SEL1L: variants seen among roughly 807,000 people sequenced by gnomAD.
The protein encoded by SEL1L is protein sel-1 homolog 1.
In SEL1L, 52 loss-of-function variants were observed where a neutral mutation model predicts 109.8. The observed-to-expected ratio is 0.47, with a 90% CI of 0.38 to 0.60. The LOEUF (loss-of-function observed/expected upper bound fraction) is 0.60. SEL1L is among the 20% of genes least tolerant of loss of function. The pLI, the probability that SEL1L is intolerant of heterozygous loss-of-function variation, is 0.00. For synonymous variants in SEL1L, 373 were observed against 339.6 expected, an observed-to-expected ratio of 1.10 and a Z score of -1.08; for missense variants, 749 against 962.2, an observed-to-expected ratio of 0.78 and a Z score of 2.93.
Position 81,477,024 on chromosome 14 carries a change from CG to C in SEL1L, c.2332del (p.Arg778GlyfsTer25). The C allele has an allele frequency of 6.2e-7, 1 of 1,614,154 alleles. No individual in the cohort carries two copies. ...DMPAPRPPGP[R>X]PAPPQQEGPP... Reference sequence around the variant, plus strand: ...CCCCTCCTGCTGGGGTGGAGCTGGCCGTGGCCCTGGAGGCCTGGGTGCAGGC... The same window carrying C: ...CCCCTCCTGCTGGGGTGGAGCTGGCCTGGCCCTGGAGGCCTGGGTGCAGGC... On this transcript the variant is annotated frameshift_variant, in exon 21 of 21. Transcript: ENST00000336735. LOFTEE classifies it high-confidence loss of function.
chr14:81,488,778 C>T (rs748392508), intron 14 of SEL1L: 130 of 192,914 alleles, frequency 6.7e-4, no homozygotes, highest in Non-Finnish European at 1.1e-3. Flanking sequence ...AGCAGAAGTT[C>T]GATTGCTAAG....
At chr14:81,518,367 T>A (rs1272750900) in intron 3 of SEL1L, among the ~76,000 whole-genome samples, 7 of 151,502 alleles carry the variant, frequency 4.6e-5, no homozygotes, top group Admixed American at 3.9e-4. Flanking sequence ...AAATGTGTTT[T>A]AAAAAAGGTA....
intron 19 of SEL1L, among the ~76,000 whole-genome samples, chr14:81,480,435 C>A (rs938663690): frequency 6.6e-6 from 1 of 152,162 alleles, no homozygotes; most frequent in African/African-American, 2.4e-5. Flanking sequence ...GTAATCCGCC[C>A]GCCTCAGCCT....
intron 3 of SEL1L, among the ~76,000 whole-genome samples, chr14:81,524,368 C>A (rs913006118): frequency 6.6e-6 from 1 of 152,048 alleles, no homozygotes; most frequent in African/African-American, 2.4e-5. Context: ...AAGTACACAC[C>A]ACCACCTACC....
At position 81,492,539 on chromosome 14, in the gene SEL1L, C is replaced by A; in HGVS notation, c.1195G>T (p.Asp399Tyr). The change falls in exon 12 of 21, where the codon GAC (aspartate) becomes TAC (tyrosine). Residue 399 changes from aspartate (D) to tyrosine (Y), a missense_variant. By Grantham distance (160) the Asp-to-Tyr change is radical. Transcript: ENST00000336735. ...GVEQNHQRAF[D>Y]YFNLAANAGN... ...GCATTTGCTGCTAAATTGAAGTAGT[C>A]AAATGCTCTCTATGAGAAAAGAATT... 1 of 1,607,906 alleles carries A rather than the reference C, an allele frequency of 6.2e-7. No homozygotes were observed. Among genetic ancestry groups the A allele is most frequent in the South Asian group, 1.1e-5 (1 of 90,236 alleles).
intron 3 of SEL1L, among the ~76,000 whole-genome samples, chr14:81,510,486 C>G (rs994569886): frequency 1.8e-5 from 2 of 109,994 alleles, no homozygotes; most frequent in African/African-American, 7.6e-5. Flanking sequence ...CTCTCTCTCT[C>G]TCTCTCTCTC....
chr14:81,485,038 A>G (rs1166365435), intron 18 of SEL1L, among the ~76,000 whole-genome samples: 3 of 152,238 alleles, frequency 2.0e-5, no homozygotes, highest in African/African-American at 7.2e-5. Flanking sequence ...AATATTCAAA[A>G]GAAAAAGAAA....
At chr14:81,503,008 T>G in intron 5 of SEL1L, 125 bp from the exon 6 acceptor site, 1 of 763,006 alleles carries the variant, frequency 1.3e-6, no homozygotes, top group South Asian at 2.1e-5. Flanking sequence ...GATAATCTTT[T>G]TGAGATGGAG....
intron 3 of SEL1L, among the ~76,000 whole-genome samples, chr14:81,522,633 T>C (rs1333075549): frequency 6.6e-6 from 1 of 152,200 alleles, no homozygotes; most frequent in Non-Finnish European, 1.5e-5. Context: ...TAGTGATGCA[T>C]TTCTCAGAAT....
At position 81,509,186 on chromosome 14, in the gene SEL1L, C is replaced by T. The variant is rs967036303; in HGVS notation, c.341-2945G>A. ...TGATTGGAACTCTCTAGTTTCAAAT[C>T]GATTATCTCAAACAGAAACTCCTCA... On this transcript the variant is annotated intron_variant, in intron 3 of 20. Transcript: ENST00000336735. Among the ~76,000 whole-genome samples the T allele has an allele frequency of 3.3e-5, 5 of 152,136 alleles. No individual in the cohort carries two copies. In the East Asian group the frequency reaches 7.7e-4, roughly 23 times the overall value.
chr14:81,499,484 C>A lies in SEL1L; in HGVS notation c.866G>T (p.Gly289Val), dbSNP rs758116799. Residue 289 changes from glycine (G) to valine (V), a missense_variant, in exon 8 of 21, where the codon GGC becomes GTC. By Grantham distance (109) the Gly-to-Val change is moderately radical (BLOSUM62 -3). Transcript: ENST00000336735. ...LVYYTFGALG[G>V]NLIAHMVLGY... ...CAAAACCATGTGGGCTATTAGATTG[C>A]CCCCAAGAGCTCCAAATGTATAATA... 1 of 1,612,032 alleles carries A rather than the reference C, an allele frequency of 6.2e-7. No individual in the cohort carries two copies. Among genetic ancestry groups the A allele is most frequent in the African/African-American group, 1.3e-5 (1 of 74,782 alleles).
chr14:81,518,182 T>G (rs1884774837), intron 3 of SEL1L, among the ~76,000 whole-genome samples: 2 of 151,392 alleles, frequency 1.3e-5, no homozygotes, highest in Non-Finnish European at 1.5e-5. Context: ...CATGAGCCAC[T>G]GCGCCCGGCT....
rs114590592 is a variant in SEL1L, at chr14:81,509,875, C to T, written c.341-3634G>A. 5.1e-3 allele frequency among the ~76,000 whole-genome samples: 776 copies of T among 152,274 alleles called. 8 individuals carry two copies. The highest frequency in any genetic ancestry group is 0.017 in the African/African-American group (724 of 41,566). The stretch of plus-strand genomic sequence containing the variant: ...CAAAGAGATTATGTACAAGAGAATA[C>T]TTGTACAGTATCCTAATTTTAAAAA... On this transcript the variant is annotated intron_variant, in intron 3 of 20. Coordinates refer to ENST00000336735, the MANE Select transcript of SEL1L (RefSeq NM_005065.6).
At chr14:81,511,005 G>A (rs1884455888) in intron 3 of SEL1L, among the ~76,000 whole-genome samples, 1 of 152,178 alleles carries the variant, frequency 6.6e-6, no homozygotes, top group Non-Finnish European at 1.5e-5. Context: ...AGTGATATAG[G>A]CCAAATGATA....
intron 3 of SEL1L, 40 bp from the exon 4 acceptor site, chr14:81,506,281 A>G: frequency 1.4e-6 from 2 of 1,480,224 alleles, no homozygotes; most frequent in Non-Finnish European, 1.8e-6. Flanking sequence ...ATGAAACAAC[A>G]CCTCTGGTAT....
At position 81,474,595 on chromosome 14, in the gene SEL1L, G is replaced by A. The variant is rs1903102928; in HGVS notation, c.*2377C>T. On this transcript the variant is annotated 3_prime_UTR_variant, in exon 21 of 21. Coordinates refer to ENST00000336735, the MANE Select transcript of SEL1L (RefSeq NM_005065.6). The stretch of plus-strand genomic sequence containing the variant: ...AGGTAAGTATTGAGCATTATTTTAG[G>A]AGAAAAACCAAACCCAACTCCTATT... 6.6e-6 allele frequency: 1 copy of A among 152,118 alleles called. No homozygotes were observed. 9.4% of individuals were successfully genotyped at this position (152,118 alleles called of 1,614,324 possible). A position where few individuals can be genotyped will look rare whatever the true frequency, so the allele number is the denominator to read the frequency against.
intron 3 of SEL1L, among the ~76,000 whole-genome samples, chr14:81,507,465 G>A (rs141618584): frequency 3.7e-4 from 56 of 152,088 alleles, no homozygotes; most frequent in African/African-American, 1.1e-3. Context: ...ACCCAGGTGC[G>A]TTAGGGGTAC....
chr14:81,503,337 CTTTT>C lies in SEL1L; in HGVS notation c.615-458_615-455del, dbSNP rs548906591. ...TTACTTATACATGTAAAAAACATCCCTTTTTTTAATTTTTTTTTGAGACAAGGTC... is the reference window on the plus strand; with the variant it reads ...TTACTTATACATGTAAAAAACATCCCTTTAATTTTTTTTTGAGACAAGGTC... On this transcript the variant is annotated intron_variant, in intron 5 of 20. Transcript: ENST00000336735. Among the ~76,000 whole-genome samples, 9 of 152,144 alleles carry C rather than the reference CTTTT, an allele frequency of 5.9e-5. No individual in the cohort carries two copies. In the East Asian group the frequency reaches 1.4e-3, roughly 23 times the overall value.
intron 4 of SEL1L, 130 bp downstream of exon 4, chr14:81,505,944 G>C (rs186226044): frequency 2.4e-6 from 2 of 826,922 alleles, no homozygotes; most frequent in Non-Finnish European, 3.7e-6. Context: ...CACTCTTTAA[G>C]GCTGTAATGA....
Sources: allele counts gnomAD v4.1 joint callset (sites outside exome capture counted in the v4.1 genomes callset), GRCh38; gene constraint gnomAD v4.1.1; transcripts MANE v1.5; gene names NCBI Gene and HGNC (gene_info 2026-07-23, HGNC 2026-07-21).